Variants in TTC28 observed in about 807,000 individuals in gnomAD.
TTC28 encodes tetratricopeptide repeat protein 28.
In TTC28, 61 loss-of-function variants were observed where a neutral mutation model predicts 198.0. The ratio of observed to expected loss-of-function variants is 0.31; its 90% CI spans 0.25 to 0.38. The LOEUF is 0.38. Ranked by LOEUF, TTC28 falls within the 10% of genes least tolerant of loss-of-function variation. The pLI, the probability that TTC28 is intolerant of heterozygous loss-of-function variation, is 1.00. For synonymous variants in TTC28, 1,171 were observed against 1,297.8 expected, an observed-to-expected ratio of 0.90 and a Z score of 2.10; for missense variants, 2,678 against 3,164.0, an observed-to-expected ratio of 0.85 and a Z score of 3.69.
chr22:28,491,443 G>A (rs1194164954), intron 2 of TTC28, among the ~76,000 whole-genome samples: 2 of 152,048 alleles, frequency 1.3e-5, no homozygotes, highest in African/African-American at 4.8e-5. Flanking sequence ...TCAACAAGTG[G>A]GCGAAGGATA....
At chr22:28,123,853 T>C (rs1418507612) in intron 6 of TTC28, among the ~76,000 whole-genome samples, 1 of 151,952 alleles carries the variant, frequency 6.6e-6, no homozygotes, top group East Asian at 1.9e-4. Context: ...TGTGGCGGCA[T>C]GTGCCTGTAG....
chr22:28,022,791 A>G (rs1938664459), intron 13 of TTC28, among the ~76,000 whole-genome samples: 1 of 152,250 alleles, frequency 6.6e-6, no homozygotes, highest in Non-Finnish European at 1.5e-5. Context: ...CAAATACATT[A>G]TATTTAAGTA....
chr22:28,094,285 G>C, intron 11 of TTC28, 40 bp from the exon 12 acceptor site: 3 of 1,481,342 alleles, frequency 2.0e-6, no homozygotes, highest in Non-Finnish European at 2.7e-6. Context: ...TACACAATTA[G>C]GGTCAGAGAA....
chr22:28,352,471 A>C (rs1423908431), intron 2 of TTC28, among the ~76,000 whole-genome samples: 1 of 152,130 alleles, frequency 6.6e-6, no homozygotes, highest in Admixed American at 6.5e-5. Flanking sequence ...TACATTTCGG[A>C]GCTCATGTTC....
chr22:28,496,376 C>A (rs903362524), intron 2 of TTC28, among the ~76,000 whole-genome samples: 8 of 152,064 alleles, frequency 5.3e-5, no homozygotes, highest in Non-Finnish European at 1.5e-5. Context: ...CTCTCAAAAA[C>A]ATCTGCTCCC....
intron 2 of TTC28, among the ~76,000 whole-genome samples, chr22:28,394,090 T>C (rs771788520): frequency 2.0e-5 from 3 of 152,104 alleles, no homozygotes; most frequent in Non-Finnish European, 2.9e-5. Flanking sequence ...TTTTTACTCT[T>C]TTTTGTGCAT....
chr22:28,044,894 T>C (rs533770049), intron 12 of TTC28, among the ~76,000 whole-genome samples: 1 of 152,280 alleles, frequency 6.6e-6, no homozygotes, highest in African/African-American at 2.4e-5. Context: ...AAAGGAGAAA[T>C]ACAGGTTTTC....
At position 28,170,008 on chromosome 22, in the gene TTC28, C is replaced by A. The variant is rs182550434; in HGVS notation, c.934-6409G>T. Among the ~76,000 whole-genome samples, 4 of 152,150 alleles carry A rather than the reference C, an allele frequency of 2.6e-5. No homozygotes were observed. In the East Asian group the frequency reaches 7.7e-4, roughly 29 times the overall value. On this transcript the variant is annotated intron_variant, in intron 5 of 22. Transcript: ENST00000397906. The stretch of plus-strand genomic sequence containing the variant: ...TACGCAGAATTGATAAAGAACACAT[C>A]CAAACAGCAAGTTCCTAATAAAAAA...
chr22:28,590,185 C>T (rs1487434746), intron 2 of TTC28, among the ~76,000 whole-genome samples: 1 of 146,328 alleles, frequency 6.8e-6, no homozygotes, highest in Non-Finnish European at 1.5e-5. Context: ...TGGAGTGCAG[C>T]GGCGCAATCT....
intron 12 of TTC28, among the ~76,000 whole-genome samples, chr22:28,061,244 A>G (rs940840308): frequency 8.5e-5 from 13 of 152,060 alleles, no homozygotes; most frequent in African/African-American, 2.9e-4. Context: ...TGTCAATTTT[A>G]GCTTTTGTTG....
chr22:28,237,461 C>T (rs1929333793), intron 5 of TTC28, among the ~76,000 whole-genome samples: 1 of 152,162 alleles, frequency 6.6e-6, no homozygotes, highest in Non-Finnish European at 1.5e-5. Context: ...TTAGTACAGT[C>T]TACCTTTAAA....
At chr22:28,406,236 A>G (rs2046996200) in intron 2 of TTC28, among the ~76,000 whole-genome samples, 1 of 152,274 alleles carries the variant, frequency 6.6e-6, no homozygotes, top group Admixed American at 6.5e-5. Context: ...ATAAAATACA[A>G]GCATAATTCA....
chr22:28,392,872 T>TTTC (rs2046754881), intron 2 of TTC28, among the ~76,000 whole-genome samples: 1 of 133,708 alleles, frequency 7.5e-6, no homozygotes, highest in African/African-American at 2.8e-5. Context: ...CCTCCCTCCT[T>TTTC]TTTTTTTTTT....
chr22:28,451,908 T>C (rs9613617), intron 2 of TTC28, among the ~76,000 whole-genome samples: 43,075 of 152,064 alleles, frequency 0.28, 7,517 homozygotes, highest in South Asian at 0.4. Context: ...TTATCTGGAA[T>C]AGATTCAGTG....
rs569120392 is a variant in TTC28, at chr22:28,624,830, C to T, written c.381+4722G>A. ...TCAGTATCTCTCTTAAACATAGATGCAAAAATTCTTCACGAAATTTTAGCA... is the reference window on the plus strand; with the variant it reads ...TCAGTATCTCTCTTAAACATAGATGTAAAAATTCTTCACGAAATTTTAGCA... On this transcript the variant is annotated intron_variant, in intron 2 of 22. Coordinates refer to ENST00000397906, the MANE Select transcript of TTC28 (RefSeq NM_001145418.2). 2.8e-4 allele frequency among the ~76,000 whole-genome samples: 43 copies of T among 152,054 alleles called. 1 individual carries two copies. The South Asian group carries it at 8.5e-3, about 30-fold the overall frequency.
chr22:28,338,782 G>A lies in TTC28; in HGVS notation c.382-32139C>T, dbSNP rs189947746. 2.8e-4 allele frequency among the ~76,000 whole-genome samples: 43 copies of A among 152,100 alleles called. 1 individual carries two copies. The South Asian group carries it at 6.9e-3, about 24-fold the overall frequency. Reference sequence around the variant, plus strand: ...TTTTTAACTTCTTTGCCATGGGTTCGAACTTCCTCCTTTAGCTCAGAGTAG... The same window carrying A: ...TTTTTAACTTCTTTGCCATGGGTTCAAACTTCCTCCTTTAGCTCAGAGTAG... On this transcript the variant is annotated intron_variant, in intron 2 of 22. Coordinates refer to ENST00000397906, the MANE Select transcript of TTC28 (RefSeq NM_001145418.2).
intron 2 of TTC28, among the ~76,000 whole-genome samples, chr22:28,615,078 C>A (rs2050879587): frequency 6.6e-6 from 1 of 151,826 alleles, no homozygotes; most frequent in Non-Finnish European, 1.5e-5. Flanking sequence ...CCAGAATCTG[C>A]AAAGAACTTA....
intron 5 of TTC28, among the ~76,000 whole-genome samples, chr22:28,201,948 C>T (rs1271199902): frequency 6.6e-6 from 1 of 152,050 alleles, no homozygotes; most frequent in Non-Finnish European, 1.5e-5. Context: ...TACAGAGCTT[C>T]AGAAGCCAAA....
rs547641982 is a variant in TTC28 at position 28,381,025 on chromosome 22, T to G, written c.382-74382A>C. Among the ~76,000 whole-genome samples, 5 of 151,940 alleles carry G rather than the reference T, an allele frequency of 3.3e-5. No homozygotes were observed. The East Asian group carries it at 7.7e-4, about 24-fold the overall frequency. ...GAAGGGGCGGTATTCATCTTGGTAT[T>G]AGACACATACATGTACTAGGTTTAC... On this transcript the variant is annotated intron_variant, in intron 2 of 22. Transcript: ENST00000397906.
Sources: allele counts gnomAD v4.1 joint callset (sites outside exome capture counted in the v4.1 genomes callset), GRCh38; gene constraint gnomAD v4.1.1; transcripts MANE v1.5; gene names NCBI Gene and HGNC (gene_info 2026-07-23, HGNC 2026-07-21).